The following SYTL5 variants were observed in gnomAD, a reference collection of about 807,000 sequenced individuals.
SYTL5 encodes the protein synaptotagmin like 5.
Under a neutral mutation model 55.9 loss-of-function variants are expected in SYTL5, and 34 were observed. That is an observed-to-expected ratio of 0.61 (90% CI 0.46 to 0.81). SYTL5 has a LOEUF of 0.81. Among genes scored for constraint, SYTL5 ranks in the 30% least tolerant of loss-of-function variants. The pLI, the probability that SYTL5 is intolerant of heterozygous loss-of-function variation, is 0.00. For missense variants in SYTL5, 637 were observed against 546.7 expected, an observed-to-expected ratio of 1.17 and a Z score of -1.65; for synonymous variants, 221 against 188.7, an observed-to-expected ratio of 1.17 and a Z score of -1.40.
At chrX:38,088,723 A>C (rs1936719995) in intron 6 of SYTL5, among the ~76,000 whole-genome samples, 1 of 112,439 alleles carries the variant, frequency 8.9e-6, no homozygotes, top group Non-Finnish European at 1.9e-5. Flanking sequence ...AACAACACAG[A>C]GAAATGAAAT....
chrX:38,077,167 A>G (rs945781783), intron 6 of SYTL5, among the ~76,000 whole-genome samples: 2 of 111,659 alleles, frequency 1.8e-5, no homozygotes, highest in East Asian at 2.8e-4. Flanking sequence ...GGAGGAGATT[A>G]TCAGTGGAGC....
chrX:37,941,343 C>T, the SYTL5 span, among the ~76,000 whole-genome samples: 2 of 110,903 alleles, frequency 1.8e-5, no homozygotes, highest in Admixed American at 9.6e-5. Context: ...AGACCCCTTA[C>T]CCCTTTCTGA....
the SYTL5 span, among the ~76,000 whole-genome samples, chrX:37,904,336 A>G: frequency 3.7e-5 from 4 of 107,345 alleles, no homozygotes; most frequent in Admixed American, 4.0e-4. Flanking sequence ...AAACTTGAAA[A>G]TAGGGCATTG....
chrX:37,919,854 G>A, the SYTL5 span, among the ~76,000 whole-genome samples: 1,272 of 112,101 alleles, frequency 0.011, 7 homozygotes, highest in Middle Eastern at 0.023. Flanking sequence ...CTAAAAGCAC[G>A]GAAAAGAATT....
intron 1 of SYTL5, among the ~76,000 whole-genome samples, chrX:38,010,854 G>C (rs1399170466): frequency 9.0e-6 from 1 of 111,700 alleles, no homozygotes; most frequent in African/African-American, 3.3e-5. Flanking sequence ...ATATTCTAAG[G>C]GTTGTTCTAA....
chrX:37,943,204 T>C, the SYTL5 span, among the ~76,000 whole-genome samples: 2 of 112,436 alleles, frequency 1.8e-5, no homozygotes, highest in African/African-American at 6.4e-5. Context: ...GGAGGCTTAC[T>C]GCTGAGAGTA....
intron 2 of SYTL5, among the ~76,000 whole-genome samples, chrX:38,037,317 C>A (rs1248522978): frequency 9.0e-6 from 1 of 111,612 alleles, no homozygotes; most frequent in East Asian, 2.8e-4. Flanking sequence ...CTCCTGCCTC[C>A]CTTACTCCCT....
intron 2 of SYTL5, among the ~76,000 whole-genome samples, chrX:38,049,428 T>C (rs1385425494): frequency 1.8e-5 from 2 of 111,437 alleles, no homozygotes; most frequent in Non-Finnish European, 3.8e-5. Context: ...GTGGCTTTTG[T>C]GGTATTGTTA....
chrX:38,098,858 A>T (rs1979348078), intron 9 of SYTL5, among the ~76,000 whole-genome samples: 1 of 111,177 alleles, frequency 9.0e-6, no homozygotes, highest in Non-Finnish European at 1.9e-5. Flanking sequence ...ACATACTACA[A>T]CATGCATGAA....
intron 9 of SYTL5, among the ~76,000 whole-genome samples, chrX:38,097,734 A>T (rs1936972595): frequency 9.1e-6 from 1 of 109,952 alleles, no homozygotes; most frequent in African/African-American, 3.3e-5. Flanking sequence ...AATATATGGG[A>T]CCCAGAATAA....
At chrX:37,947,423 C>T in the SYTL5 span, among the ~76,000 whole-genome samples, 1 of 111,482 alleles carries the variant, frequency 9.0e-6, no homozygotes, top group East Asian at 2.8e-4. Flanking sequence ...AAGGATGTGG[C>T]TTTCTTTGCT....
chrX:38,099,054 T>A (rs1171909025), intron 9 of SYTL5, among the ~76,000 whole-genome samples: 2 of 110,901 alleles, frequency 1.8e-5, no homozygotes, highest in African/African-American at 3.3e-5. Flanking sequence ...GTTGAAAATG[T>A]ACTAAAACTG....
At chrX:37,966,979 T>G in the SYTL5 span, among the ~76,000 whole-genome samples, 1 of 112,068 alleles carries the variant, frequency 8.9e-6, no homozygotes, top group Non-Finnish European at 1.9e-5. Flanking sequence ...AAGCTTTTGT[T>G]TGTTTAGGAG....
chrX:38,029,393 G>C (rs1055958675), intron 1 of SYTL5, among the ~76,000 whole-genome samples: 10 of 112,330 alleles, frequency 8.9e-5, no homozygotes, highest in Non-Finnish European at 1.3e-4. Flanking sequence ...ATGTAAAACT[G>C]TTTCTTCAGT....
intron 7 of SYTL5, among the ~76,000 whole-genome samples, chrX:38,089,866 C>T (rs150259395): frequency 9.0e-5 from 10 of 111,381 alleles, no homozygotes; most frequent in African/African-American, 3.3e-4. Flanking sequence ...TCCCTCAACA[C>T]GTGGAGATTG....
the SYTL5 span, among the ~76,000 whole-genome samples, chrX:37,974,381 A>G: frequency 1.8e-5 from 2 of 112,137 alleles, no homozygotes; most frequent in Non-Finnish European, 3.8e-5. Context: ...TATTCTCAGT[A>G]GGTAAATAGA....
chrX:37,913,631 G>T, the SYTL5 span, among the ~76,000 whole-genome samples: 3 of 112,294 alleles, frequency 2.7e-5, no homozygotes, highest in Admixed American at 2.8e-4. Context: ...GAATGTGAGG[G>T]AGTTAAAGGC....
chrX:38,055,327 T>G (rs1398595580), intron 3 of SYTL5, among the ~76,000 whole-genome samples: 4 of 111,850 alleles, frequency 3.6e-5, no homozygotes, highest in African/African-American at 1.3e-4. Context: ...TAAGCACAAA[T>G]TTCACTTTGC....
intron 10 of SYTL5, among the ~76,000 whole-genome samples, chrX:38,103,390 T>A (rs1272216183): frequency 9.0e-6 from 1 of 111,526 alleles, no homozygotes; most frequent in Non-Finnish European, 1.9e-5. Flanking sequence ...TAAGAGCATA[T>A]AGTTTAGTTA....
Sources: allele counts gnomAD v4.1 joint callset (sites outside exome capture counted in the v4.1 genomes callset), GRCh38; gene constraint gnomAD v4.1.1; transcripts MANE v1.5; gene names NCBI Gene and HGNC (gene_info 2026-07-23, HGNC 2026-07-21).